UGT1A10: variants seen among roughly 807,000 people sequenced by gnomAD.
The protein encoded by UGT1A10 is UDP-glucuronosyltransferase 1A10.
Under a neutral mutation model 45.8 loss-of-function variants are expected in UGT1A10, and 49 were observed. The observed-to-expected ratio is 1.07, with a 90% CI of 0.85 to 1.36. UGT1A10 has a LOEUF of 1.36. UGT1A10 is among the 40% of genes most tolerant of loss of function. UGT1A10 has a pLI of 0.00. For missense variants in UGT1A10, 745 were observed against 668.6 expected, an observed-to-expected ratio of 1.11 and a Z score of -1.26; for synonymous variants, 284 against 249.7, an observed-to-expected ratio of 1.14 and a Z score of -1.29.
intron 1 of UGT1A10, among the ~76,000 whole-genome samples, chr2:233,681,375 AT>A (rs1457082228): frequency 6.6e-6 from 1 of 151,808 alleles, no homozygotes; most frequent in Non-Finnish European, 1.5e-5. Flanking sequence ...CTCCACTAAA[AT>A]ACAAAAAGTT....
chr2:233,747,316 C>T lies in UGT1A10; in HGVS notation c.856-19718C>T, dbSNP rs1693620953. The T allele has an allele frequency of 6.9e-6, 11 of 1,603,150 alleles. No homozygotes were observed. In the South Asian group the frequency reaches 1.2e-4, roughly 18 times the overall value. On this transcript the variant is annotated intron_variant, in intron 1 of 4. Coordinates refer to ENST00000344644, the MANE Select transcript of UGT1A10 (RefSeq NM_019075.4). ...TGAGAGTGGGAAGGTGCTGGTGGTA[C>T]CCATTGATGGCAGCCACTGGCTCGC... is the stretch of plus-strand genomic sequence containing the variant.
At chr2:233,753,987 C>A (rs1695364762) in intron 1 of UGT1A10, among the ~76,000 whole-genome samples, 1 of 152,156 alleles carries the variant, frequency 6.6e-6, no homozygotes, top group African/African-American at 2.4e-5. Context: ...TTTTAAGCCA[C>A]CAAGTTTGGG....
intron 1 of UGT1A10, among the ~76,000 whole-genome samples, chr2:233,720,787 C>T (rs369291144): frequency 6.6e-5 from 10 of 151,230 alleles, no homozygotes; most frequent in South Asian, 4.2e-4. Flanking sequence ...CTCACTGCAA[C>T]CTTCACCTCC....
At chr2:233,758,825 CA>C (rs1386415381) in intron 1 of UGT1A10, among the ~76,000 whole-genome samples, 2 of 152,114 alleles carry the variant, frequency 1.3e-5, no homozygotes, top group Non-Finnish European at 2.9e-5. Flanking sequence ...ATATCCCCCC[CA>C]AAAAGAGTGT....
intron 1 of UGT1A10, among the ~76,000 whole-genome samples, chr2:233,696,491 C>T (rs1208679803): frequency 6.6e-6 from 1 of 151,990 alleles, no homozygotes; most frequent in African/African-American, 2.4e-5. Flanking sequence ...GCAACTTTAC[C>T]GAATTTGCTT....
At chr2:233,682,872 C>G (rs1348712274) in intron 1 of UGT1A10, 5 of 1,521,250 alleles carry the variant, frequency 3.3e-6, no homozygotes, top group Non-Finnish European at 4.4e-6. Flanking sequence ...CATAATTTAT[C>G]ATTTACATTT....
chr2:233,760,289 T>C, intron 1 of UGT1A10: 1 of 1,613,270 alleles, frequency 6.2e-7, no homozygotes. Flanking sequence ...AAAGGCGCCA[T>C]GGCTGTGGAG....
At chr2:233,721,629 A>G (rs923769431) in intron 1 of UGT1A10, 1 of 200,638 alleles carries the variant, frequency 5.0e-6, no homozygotes, top group Non-Finnish European at 1.0e-5. Context: ...ATCAGTAAAG[A>G]TCATCTTGAA....
intron 1 of UGT1A10, 90 bp downstream of exon 1, chr2:233,637,467 G>C: frequency 6.7e-7 from 1 of 1,500,000 alleles, no homozygotes; most frequent in Admixed American, 2.3e-5. Flanking sequence ...TGACATTTTC[G>C]TTTGTTGCAT....
At chr2:233,724,300 C>T (rs1204740758) in intron 1 of UGT1A10, among the ~76,000 whole-genome samples, 3 of 143,888 alleles carry the variant, frequency 2.1e-5, no homozygotes, top group African/African-American at 5.1e-5. Flanking sequence ...GACCCCCCCA[C>T]CTCCCTCCCG....
intron 1 of UGT1A10, among the ~76,000 whole-genome samples, chr2:233,654,157 T>A (rs1451829825): frequency 6.6e-6 from 1 of 152,170 alleles, no homozygotes; most frequent in Non-Finnish European, 1.5e-5. Flanking sequence ...GCTGACAATT[T>A]AACCTTGTGA....
chr2:233,757,798 G>T (rs1696723883), intron 1 of UGT1A10, among the ~76,000 whole-genome samples: 1 of 151,794 alleles, frequency 6.6e-6, no homozygotes, highest in Non-Finnish European at 1.5e-5. Flanking sequence ...TTGATGAAAG[G>T]AGATGAAAGG....
At chr2:233,745,938 G>A (rs1693254361) in intron 1 of UGT1A10, among the ~76,000 whole-genome samples, 1 of 151,696 alleles carries the variant, frequency 6.6e-6, no homozygotes, top group East Asian at 1.9e-4. Flanking sequence ...GGGACAGCTG[G>A]GGGTTGGGCA....
chr2:233,681,888 A>G (rs2074543843), intron 1 of UGT1A10: 3 of 1,582,936 alleles, frequency 1.9e-6, no homozygotes, highest in Non-Finnish European at 2.6e-6. Flanking sequence ...CACTTACTAT[A>G]TTATAGGAGC....
chr2:233,685,233 A>C (rs1021314023), intron 1 of UGT1A10, among the ~76,000 whole-genome samples: 6 of 152,146 alleles, frequency 3.9e-5, no homozygotes. Flanking sequence ...GGGTTTCACC[A>C]TGTTGGCCAG....
intron 4 of UGT1A10, among the ~76,000 whole-genome samples, chr2:233,772,034 G>A (rs1488407782): frequency 1.3e-5 from 2 of 152,152 alleles, no homozygotes; most frequent in African/African-American, 2.4e-5. Context: ...GATGGCTTGA[G>A]CCCAGGAGTT....
At chr2:233,728,345 G>A (rs2077703623) in intron 1 of UGT1A10, among the ~76,000 whole-genome samples, 1 of 152,208 alleles carries the variant, frequency 6.6e-6, no homozygotes, top group Non-Finnish European at 1.5e-5. Context: ...GTCCCTTGGT[G>A]AGCAGGAGCT....
At chr2:233,682,476 G>A in intron 1 of UGT1A10, 1 of 1,613,894 alleles carries the variant, frequency 6.2e-7, no homozygotes, top group Non-Finnish European at 8.5e-7. Flanking sequence ...CTTGAAGAAG[G>A]TGCACAGTGC....
At chr2:233,655,327 G>C (rs2073832343) in intron 1 of UGT1A10, among the ~76,000 whole-genome samples, 1 of 152,126 alleles carries the variant, frequency 6.6e-6, no homozygotes, top group African/African-American at 2.4e-5. Context: ...GGTTTGCCCA[G>C]ATTATTCCCA....
Sources: gnomAD v4.1 joint callset for allele counts (sites outside exome capture counted in the v4.1 genomes callset) on GRCh38, gnomAD v4.1.1 for gene constraint, MANE v1.5 for transcripts, NCBI Gene and HGNC (gene_info 2026-07-23, HGNC 2026-07-21) for gene names.